Variants in SLC7A7 observed in about 807,000 individuals in gnomAD.
SLC7A7 encodes the protein solute carrier family 7 member 7.
In SLC7A7, 39 loss-of-function variants were observed where a neutral mutation model predicts 47.9. The observed-to-expected ratio is 0.81, with a 90% CI of 0.63 to 1.06. The LOEUF is 1.06. SLC7A7 is among the 50% of genes least tolerant of loss of function. The pLI, the probability that SLC7A7 is intolerant of heterozygous loss-of-function variation, is 0.00. For missense variants in SLC7A7, 588 were observed against 632.0 expected (o/e 0.93, Z 0.75); for synonymous variants, 234 against 242.8 (o/e 0.96, Z 0.34).
In SLC7A7 at chr14:22,773,349, T is replaced by C. The variant is rs534724772; in HGVS notation, c.*261A>G. ...AGAGGAGTAGGTAGGCACACCCAGGTGCTTCTAAAACAACCAAGCCCAAAC... is the reference window on the plus strand; with the variant it reads ...AGAGGAGTAGGTAGGCACACCCAGGCGCTTCTAAAACAACCAAGCCCAAAC... On this transcript the variant is annotated 3_prime_UTR_variant, in exon 10 of 10. Transcript: ENST00000674313. 1.7e-6 allele frequency: 1 copy of C among 581,880 alleles called. No individual in the cohort carries two copies. The highest frequency in any genetic ancestry group is 3.9e-5 in the East Asian group (1 of 25,560). 36.0% of individuals were successfully genotyped at this position (581,880 alleles called of 1,614,324 possible). A position where few individuals can be genotyped will look rare whatever the true frequency, so the allele number is the denominator to read the frequency against.
intron 2 of SLC7A7, among the ~76,000 whole-genome samples, chr14:22,810,471 A>AG (rs1267656133): frequency 6.6e-6 from 1 of 151,544 alleles, no homozygotes; most frequent in Non-Finnish European, 1.5e-5. Context: ...TCAAAAAAAA[A>AG]AAAAAAAATA....
At chr14:22,797,364 G>A (rs772493623) in intron 2 of SLC7A7, among the ~76,000 whole-genome samples, 3 of 152,158 alleles carry the variant, frequency 2.0e-5, no homozygotes, top group Non-Finnish European at 2.9e-5. Context: ...TACTACCCTA[G>A]ACAGGACAGT....
intron 2 of SLC7A7, among the ~76,000 whole-genome samples, chr14:22,787,928 C>G (rs992720938): frequency 6.6e-6 from 1 of 151,790 alleles, no homozygotes. Flanking sequence ...AAAAAGTTAG[C>G]CGGGCGTGGT....
At chr14:22,783,251 C>CG (rs945711231) in intron 2 of SLC7A7, among the ~76,000 whole-genome samples, 12 of 151,364 alleles carry the variant, frequency 7.9e-5, no homozygotes, top group South Asian at 6.3e-4. Flanking sequence ...TTTTTAGAGA[C>CG]GGGGTCTTGC....
chr14:22,785,534 C>T (rs1410314951), intron 2 of SLC7A7, among the ~76,000 whole-genome samples: 1 of 150,816 alleles, frequency 6.6e-6, no homozygotes, highest in Non-Finnish European at 1.5e-5. Flanking sequence ...TCGAGACCAG[C>T]CTGACCAACA....
chr14:22,776,634 A>G (rs2038613886), intron 4 of SLC7A7, among the ~76,000 whole-genome samples: 2 of 151,956 alleles, frequency 1.3e-5, no homozygotes, highest in African/African-American at 2.4e-5. Context: ...GGAGTTGGAG[A>G]CCAGCCTGGG....
chr14:22,813,532 C>G, intron 1 of SLC7A7, 92 bp from the exon 2 acceptor site: 1 of 1,114,630 alleles, frequency 9.0e-7, no homozygotes, highest in South Asian at 1.3e-5. Flanking sequence ...ACGGGCAGCT[C>G]ACCAACCAAT....
At chr14:22,796,860 A>G (rs2039029881) in intron 2 of SLC7A7, among the ~76,000 whole-genome samples, 1 of 152,176 alleles carries the variant, frequency 6.6e-6, no homozygotes, top group Non-Finnish European at 1.5e-5. Context: ...AACAGAAAGA[A>G]AAGGCTCAGC....
intron 2 of SLC7A7, among the ~76,000 whole-genome samples, chr14:22,788,695 C>A (rs1208592641): frequency 7.0e-6 from 1 of 143,250 alleles, no homozygotes; most frequent in Non-Finnish European, 1.5e-5. Flanking sequence ...CAGAGTGAGA[C>A]TCTGTCTGGG....
In SLC7A7 at chr14:22,773,414, T is replaced by G. The variant is rs2038513282; in HGVS notation, c.*196A>C. ...CCCACAGTCACCTTCATTGTCCCCT[T>G]TAAAAGTCTGGAACAGTATGTAGCA... On this transcript the variant is annotated 3_prime_UTR_variant, in exon 10 of 10. Transcript: ENST00000674313. 1 of 669,176 alleles carries G rather than the reference T, an allele frequency of 1.5e-6. No homozygotes were observed. Among genetic ancestry groups the G allele is most frequent in the East Asian group, 2.9e-5 (1 of 33,964 alleles). 41.5% of individuals were successfully genotyped at this position (669,176 alleles called of 1,614,324 possible). A position where few individuals can be genotyped will look rare whatever the true frequency, so the allele number is the denominator to read the frequency against.
At chr14:22,792,956 G>A (rs983151628) in intron 2 of SLC7A7, among the ~76,000 whole-genome samples, 5 of 145,132 alleles carry the variant, frequency 3.4e-5, no homozygotes, top group Admixed American at 1.4e-4. Flanking sequence ...TCGCTCTGTC[G>A]CCCAGGCTGG....
At chr14:22,785,370 C>G (rs1258380163) in intron 2 of SLC7A7, among the ~76,000 whole-genome samples, 3 of 152,226 alleles carry the variant, frequency 2.0e-5, no homozygotes, top group Admixed American at 6.5e-5. Context: ...TGCCAGACCC[C>G]TCCTCTGTCT....
intron 2 of SLC7A7, among the ~76,000 whole-genome samples, chr14:22,799,448 C>CTTTTTTTTTTTTTTTTT (rs56375225): frequency 1.1e-3 from 87 of 76,184 alleles, no homozygotes; most frequent in Non-Finnish European, 1.2e-3. Context: ...TTTTTTCTTT[C>CTTTTTTTTTTTTTTTTT]TTTTTTTTTT....
intron 2 of SLC7A7, among the ~76,000 whole-genome samples, chr14:22,781,030 T>C (rs575604175): frequency 6.6e-6 from 1 of 151,616 alleles, no homozygotes; most frequent in African/African-American, 2.4e-5. Context: ...GAAAAAAAAA[T>C]ACAGATCTTC....
chr14:22,795,435 TTTCTTTCTTTTCTA>T (rs2039002891), intron 2 of SLC7A7, among the ~76,000 whole-genome samples: 1 of 119,112 alleles, frequency 8.4e-6, no homozygotes, highest in African/African-American at 3.2e-5. Context: ...TCTTTCTTTC[TTTCTTTCTTTTCTA>T]TTCTTTTCTT....
chr14:22,814,692 G>C (rs1229728278), intron 1 of SLC7A7: 1 of 153,006 alleles, frequency 6.5e-6, no homozygotes, highest in East Asian at 1.9e-4. Context: ...ATTAGGAACT[G>C]ACCCTACCAG....
chr14:22,796,372 C>G (rs972551551), intron 2 of SLC7A7, among the ~76,000 whole-genome samples: 5 of 152,154 alleles, frequency 3.3e-5, no homozygotes, highest in Admixed American at 2.0e-4. Context: ...CTGTCTGCCC[C>G]CTTCCCACAG....
intron 2 of SLC7A7, among the ~76,000 whole-genome samples, chr14:22,810,295 T>C (rs2039284684): frequency 6.6e-6 from 1 of 150,756 alleles, no homozygotes; most frequent in African/African-American, 2.4e-5. Context: ...AGAAACCCCA[T>C]CTCTACTAAA....
chr14:22,774,329 C>G (rs2038548445), intron 8 of SLC7A7, 25 bp downstream of exon 8: 2 of 1,613,900 alleles, frequency 1.2e-6, no homozygotes, highest in South Asian at 2.2e-5. Context: ...TCAGGTGGAG[C>G]AGAGGTAGGA....
Sources: allele counts gnomAD v4.1 joint callset (sites outside exome capture counted in the v4.1 genomes callset), GRCh38; gene constraint gnomAD v4.1.1; transcripts MANE v1.5; gene names NCBI Gene and HGNC (gene_info 2026-07-23, HGNC 2026-07-21).